Variants in LRRC7 observed in about 807,000 individuals in gnomAD.
LRRC7 encodes leucine-rich repeat-containing protein 7.
LRRC7 carries 23 observed loss-of-function variants against 175.7 expected under a neutral mutation model. The observed-to-expected ratio is 0.13, with a 90% confidence interval of 0.09 to 0.19. The LOEUF (loss-of-function observed/expected upper bound fraction) is 0.19. LRRC7 is among the 10% of genes least tolerant of loss of function. The pLI is 1.00. For synonymous variants in LRRC7, 685 were observed against 680.9 expected (o/e 1.01, Z -0.09); for missense variants, 1,354 against 1,904.7 (o/e 0.71, Z 5.38).
rs763275105 is a variant in LRRC7, at chr1:69,858,380, T to C, written c.647+20097T>C. Among the ~76,000 whole-genome samples, 48 of 152,086 alleles carry C rather than the reference T, an allele frequency of 3.2e-4. No homozygotes were observed. The Middle Eastern group carries it at 0.017, about 54-fold the overall frequency. Reference sequence around the variant, plus strand: ...CTACTCATCTGACAAAGGACTAATATCCAGAATCTACGAAGAACTCAAAGA... The same window carrying C: ...CTACTCATCTGACAAAGGACTAATACCCAGAATCTACGAAGAACTCAAAGA... On this transcript the variant is annotated intron_variant, in intron 7 of 26. Transcript: ENST00000651989.
At chr1:69,726,388 A>T (rs1666979158) in intron 2 of LRRC7, among the ~76,000 whole-genome samples, 2 of 152,252 alleles carry the variant, frequency 1.3e-5, no homozygotes, top group Admixed American at 1.3e-4. Context: ...AGAAATGTAA[A>T]GATTCCTTAA....
intron 2 of LRRC7, among the ~76,000 whole-genome samples, chr1:69,727,633 A>G (rs1007665183): frequency 3.3e-5 from 5 of 152,188 alleles, no homozygotes; most frequent in Non-Finnish European, 7.3e-5. Flanking sequence ...ATCAATTTTC[A>G]TTAGAAAGGA....
At chr1:69,979,311 A>G (rs1653171208) in intron 8 of LRRC7, among the ~76,000 whole-genome samples, 1 of 152,206 alleles carries the variant, frequency 6.6e-6, no homozygotes, top group Non-Finnish European at 1.5e-5. Flanking sequence ...GAAGGGGATA[A>G]TTTCTGGAGA....
At chr1:69,964,548 A>AT (rs941164554) in intron 8 of LRRC7, among the ~76,000 whole-genome samples, 52 of 152,234 alleles carry the variant, frequency 3.4e-4, no homozygotes, top group Non-Finnish European at 6.0e-4. Context: ...TAGAAGTTAG[A>AT]TTTTTTTGTT....
chr1:69,941,073 G>T (rs1648659260), intron 8 of LRRC7, among the ~76,000 whole-genome samples: 1 of 152,080 alleles, frequency 6.6e-6, no homozygotes, highest in African/African-American at 2.4e-5. Context: ...CTGGCTGGAA[G>T]ATTGTTCTAT....
At chr1:69,919,955 A>G in intron 7 of LRRC7, 1 of 585,096 alleles carries the variant, frequency 1.7e-6, no homozygotes, top group Non-Finnish European at 3.1e-6. Flanking sequence ...AATGGCTGGG[A>G]GGGGGCCCTT....
chr1:69,589,445 T>A (rs1270434), intron 1 of LRRC7, among the ~76,000 whole-genome samples: 23,012 of 152,086 alleles, frequency 0.15, 1,925 homozygotes, highest in Admixed American at 0.19. Context: ...CATGTCTCAC[T>A]AGGGTATGAA....
At chr1:69,736,581 T>G (rs908065038) in intron 2 of LRRC7, among the ~76,000 whole-genome samples, 1 of 152,060 alleles carries the variant, frequency 6.6e-6, no homozygotes, top group Non-Finnish European at 1.5e-5. Flanking sequence ...GAGATAAAAA[T>G]TTTTACTGGG....
chr1:69,772,789 C>T (rs1301689586), intron 3 of LRRC7, among the ~76,000 whole-genome samples: 2 of 152,046 alleles, frequency 1.3e-5, no homozygotes, highest in South Asian at 2.1e-4. Context: ...GAAAGAGTTG[C>T]TATTGATAGA....
intron 7 of LRRC7, among the ~76,000 whole-genome samples, chr1:69,925,254 T>C (rs867855317): frequency 6.6e-6 from 1 of 152,146 alleles, no homozygotes. Context: ...TATTGGTCTG[T>C]AATTCTCTTT....
At chr1:69,972,304 A>G (rs1652318141) in intron 8 of LRRC7, among the ~76,000 whole-genome samples, 1 of 152,224 alleles carries the variant, frequency 6.6e-6, no homozygotes, top group Admixed American at 6.5e-5. Flanking sequence ...GCTTTTGCAT[A>G]CAAAAGAAAC....
intron 17 of LRRC7, among the ~76,000 whole-genome samples, chr1:70,025,251 TTTA>T (rs1467631769): frequency 4.1e-4 from 61 of 148,888 alleles, no homozygotes; most frequent in African/African-American, 1.5e-3. Context: ...TAATTAATCA[TTTA>T]TTTTTAGTGT....
chr1:69,893,903 A>T (rs920499782), intron 7 of LRRC7, among the ~76,000 whole-genome samples: 1 of 152,106 alleles, frequency 6.6e-6, no homozygotes, highest in Non-Finnish European at 1.5e-5. Context: ...AAAAGCGGGG[A>T]GATGAATGAG....
At chr1:69,590,763 G>A (rs1029028550) in intron 1 of LRRC7, among the ~76,000 whole-genome samples, 2 of 152,050 alleles carry the variant, frequency 1.3e-5, no homozygotes, top group Non-Finnish European at 2.9e-5. Context: ...ATAGTCTCTG[G>A]TTCCAGCCAG....
chr1:69,915,972 C>T (rs1238688468), intron 7 of LRRC7, among the ~76,000 whole-genome samples: 1 of 145,184 alleles, frequency 6.9e-6, no homozygotes, highest in Non-Finnish European at 1.5e-5. Flanking sequence ...AGTGGTGGAA[C>T]CAGGATTCAG....
At chr1:69,846,635 G>T (rs1029666816) in intron 7 of LRRC7, among the ~76,000 whole-genome samples, 12 of 152,080 alleles carry the variant, frequency 7.9e-5, no homozygotes, top group African/African-American at 2.9e-4. Context: ...TTGTTTATGG[G>T]TTATTTACCT....
rs1192427079 is a variant in LRRC7, at chr1:70,131,116, GA to G, written c.*9237del. Among the ~76,000 whole-genome samples the G allele has an allele frequency of 1.3e-5, 2 of 151,890 alleles. No individual in the cohort carries two copies. Among genetic ancestry groups the G allele is most frequent in the African/African-American group, 4.8e-5 (2 of 41,358 alleles). The stretch of plus-strand genomic sequence containing the variant: ...TGATTAACTATTTAGATAGAGCACA[GA>G]AAAAAAATCAGGGTTACCTTGACAA... On this transcript the variant is annotated 3_prime_UTR_variant, in exon 27 of 27. Coordinates refer to ENST00000651989, the MANE Select transcript of LRRC7 (RefSeq NM_001370785.2).
rs1375627436 is a variant in LRRC7 at position 69,717,584 on chromosome 1, T to A, written c.100+39106T>A. Among the ~76,000 whole-genome samples, 4 of 151,604 alleles carry A rather than the reference T, an allele frequency of 2.6e-5. No individual in the cohort carries two copies. In the East Asian group the frequency reaches 5.8e-4, roughly 22 times the overall value. ...GCCATAAAGTGGCACACGCTTATCCTATGAGGGGGTGGAAAGGCAAGCACC... is the reference window on the plus strand; with the variant it reads ...GCCATAAAGTGGCACACGCTTATCCAATGAGGGGGTGGAAAGGCAAGCACC... On this transcript the variant is annotated intron_variant, in intron 2 of 26. Transcript: ENST00000651989.
chr1:70,036,641 C>T lies in LRRC7; in HGVS notation c.2288+17C>T, dbSNP rs763215899. 42 of 1,577,794 alleles carry T rather than the reference C, an allele frequency of 2.7e-5. No homozygotes were observed. The Admixed American group carries it at 3.8e-4, about 14-fold the overall frequency. ...GGGTAACAGGTGTGTTTAGAATTCC[C>T]TCCTTTTGTTCCCAAACGTTTATTT... On this transcript the variant is annotated intron_variant, in intron 20 of 26. Coordinates refer to ENST00000651989, the MANE Select transcript of LRRC7 (RefSeq NM_001370785.2).
Sources: gnomAD v4.1 joint callset for allele counts (sites outside exome capture counted in the v4.1 genomes callset) on GRCh38, gnomAD v4.1.1 for gene constraint, MANE v1.5 for transcripts, NCBI Gene and HGNC (gene_info 2026-07-23, HGNC 2026-07-21) for gene names.